Variants in LSAMP observed in about 807,000 individuals in gnomAD.
LSAMP encodes the protein limbic system-associated membrane protein.
Under a neutral mutation model 38.6 loss-of-function variants are expected in LSAMP, and 7 were observed. The ratio of observed to expected loss-of-function variants is 0.18; its 90% CI spans 0.10 to 0.34. LSAMP has a LOEUF of 0.34. Ranked by LOEUF, LSAMP falls within the 10% of genes least tolerant of loss-of-function variation. The probability of loss-of-function intolerance (pLI) is 1.00; values close to 1 mark genes in which losing one functional copy is unlikely to be tolerated. For missense variants in LSAMP, 313 were observed against 420.0 expected (o/e 0.75, Z 2.23); for synonymous variants, 154 against 166.8 (o/e 0.92, Z 0.59).
intron 1 of LSAMP, among the ~76,000 whole-genome samples, chr3:116,096,172 T>C (rs1055410403): frequency 6.6e-6 from 1 of 152,238 alleles, no homozygotes; most frequent in Non-Finnish European, 1.5e-5. Context: ...TCAGGGTTTT[T>C]CTTCTGCAAC....
chr3:116,106,894 T>C (rs537800519), intron 1 of LSAMP, among the ~76,000 whole-genome samples: 1 of 152,204 alleles, frequency 6.6e-6, no homozygotes, highest in South Asian at 2.1e-4. Flanking sequence ...GGGGCCTGAA[T>C]AATCCTTGAG....
At chr3:116,093,747 T>G (rs1708170880) in intron 1 of LSAMP, among the ~76,000 whole-genome samples, 1 of 152,216 alleles carries the variant, frequency 6.6e-6, no homozygotes, top group Admixed American at 6.6e-5. Flanking sequence ...ATTTTTCACA[T>G]TTGTGAATCT....
At chr3:116,315,009 G>A (rs1353627459) in intron 1 of LSAMP, among the ~76,000 whole-genome samples, 1 of 151,984 alleles carries the variant, frequency 6.6e-6, no homozygotes, top group Non-Finnish European at 1.5e-5. Context: ...CTTCAGTTTG[G>A]CAAATCACCT....
intron 2 of LSAMP, among the ~76,000 whole-genome samples, chr3:116,081,159 T>G (rs965259195): frequency 6.6e-6 from 1 of 152,130 alleles, no homozygotes; most frequent in Admixed American, 6.6e-5. Context: ...AGCTCTAGAC[T>G]AATCACTAAA....
At chr3:116,087,948 C>A (rs994190511) in intron 1 of LSAMP, among the ~76,000 whole-genome samples, 6 of 148,850 alleles carry the variant, frequency 4.0e-5, no homozygotes, top group Non-Finnish European at 5.9e-5. Flanking sequence ...GACTGGGGAG[C>A]AGTGGCCTGA....
intron 1 of LSAMP, among the ~76,000 whole-genome samples, chr3:116,430,816 A>T (rs2049270791): frequency 6.6e-6 from 1 of 152,066 alleles, no homozygotes; most frequent in Non-Finnish European, 1.5e-5. Context: ...TGTTATTTCT[A>T]CTATGCCATT....
intron 1 of LSAMP, among the ~76,000 whole-genome samples, chr3:116,412,932 C>G (rs1433570178): frequency 6.6e-6 from 1 of 151,950 alleles, no homozygotes; most frequent in Non-Finnish European, 1.5e-5. Context: ...ACTAAATACT[C>G]ACTAAATCAC....
intron 1 of LSAMP, among the ~76,000 whole-genome samples, chr3:116,213,923 C>T (rs535704240): frequency 3.3e-5 from 5 of 152,162 alleles, no homozygotes; most frequent in Non-Finnish European, 7.3e-5. Flanking sequence ...TTAAGAGTTA[C>T]TAACCAATGG....
In LSAMP at chr3:115,810,347, T is replaced by C; in HGVS notation, c.987A>G (p.Ala329=). ...SLAVPLWLLA[A]SLLCLLSKC ...ATTTGCTGAGAAGGCAGAGCAGAGA[T>C]GCTGCCAGCAGCCACAGTGGTACGG... The change falls in exon 7 of 7, where the codon GCA becomes GCG. Residue 329 remains alanine, a synonymous_variant. Coordinates refer to ENST00000490035, the MANE Select transcript of LSAMP (RefSeq NM_002338.5). The C allele has an allele frequency of 6.2e-7, 1 of 1,613,574 alleles. No homozygotes were observed. Among genetic ancestry groups the C allele is most frequent in the Non-Finnish European group, 8.5e-7 (1 of 1,179,678 alleles).
intron 3 of LSAMP, among the ~76,000 whole-genome samples, chr3:115,994,427 G>T (rs796819651): frequency 7.9e-5 from 12 of 152,064 alleles, no homozygotes; most frequent in African/African-American, 2.9e-4. Context: ...CCTGAGAAGT[G>T]GGTCATATCA....
At chr3:116,286,170 A>C (rs1337160821) in intron 1 of LSAMP, among the ~76,000 whole-genome samples, 1 of 152,216 alleles carries the variant, frequency 6.6e-6, no homozygotes, top group Non-Finnish European at 1.5e-5. Context: ...GAAGCTTTGC[A>C]ATGCATATGG....
At chr3:116,344,989 G>T (rs896171691) in intron 1 of LSAMP, among the ~76,000 whole-genome samples, 6 of 152,148 alleles carry the variant, frequency 3.9e-5, no homozygotes, top group African/African-American at 1.4e-4. Flanking sequence ...TAATCCCTGT[G>T]TGTATGTATG....
intron 1 of LSAMP, among the ~76,000 whole-genome samples, chr3:116,394,477 C>T (rs1358922257): frequency 6.6e-6 from 1 of 152,086 alleles, no homozygotes; most frequent in East Asian, 1.9e-4. Flanking sequence ...TTTTGACATT[C>T]TCTCCTGAAA....
At chr3:115,920,633 G>A (rs185893795) in intron 3 of LSAMP, among the ~76,000 whole-genome samples, 31 of 152,158 alleles carry the variant, frequency 2.0e-4, no homozygotes, top group Admixed American at 2.0e-3. Context: ...CTGGACAATG[G>A]TTCATGTGCA....
chr3:116,113,050 A>C (rs2107473675), intron 1 of LSAMP, among the ~76,000 whole-genome samples: 1 of 152,234 alleles, frequency 6.6e-6, no homozygotes, highest in Admixed American at 6.5e-5. Context: ...GGAAAGCATA[A>C]GAGAAATATG....
intron 1 of LSAMP, among the ~76,000 whole-genome samples, chr3:116,288,403 G>A (rs1346628566): frequency 6.6e-6 from 1 of 152,182 alleles, no homozygotes; most frequent in African/African-American, 2.4e-5. Context: ...TTTAGCCAGT[G>A]CCTGCTCCCC....
chr3:116,171,143 ATAT>A (rs1420179392), intron 1 of LSAMP, among the ~76,000 whole-genome samples: 4 of 152,150 alleles, frequency 2.6e-5, no homozygotes, highest in Non-Finnish European at 1.5e-5. Flanking sequence ...GGAGGTCATA[ATAT>A]TGCATTCCAC....
chr3:116,168,373 GA>G (rs199679942), intron 1 of LSAMP, among the ~76,000 whole-genome samples: 5 of 150,298 alleles, frequency 3.3e-5, no homozygotes, highest in South Asian at 4.2e-4. Context: ...AAACAAGAGA[GA>G]AAAAAAAACC....
At chr3:116,375,174 T>G (rs1401854530) in intron 1 of LSAMP, among the ~76,000 whole-genome samples, 1 of 151,980 alleles carries the variant, frequency 6.6e-6, no homozygotes, top group Non-Finnish European at 1.5e-5. Flanking sequence ...TAATCATTAT[T>G]ATATGCTGAC....
Sources: allele counts gnomAD v4.1 joint callset (sites outside exome capture counted in the v4.1 genomes callset), GRCh38; gene constraint gnomAD v4.1.1; transcripts MANE v1.5; gene names NCBI Gene and HGNC (gene_info 2026-07-23, HGNC 2026-07-21).